Variants in U2SURP observed in about 807,000 individuals in gnomAD.
The protein encoded by U2SURP is U2 snRNP associated SURP domain containing.
Under a neutral mutation model 144.9 loss-of-function variants are expected in U2SURP, and 9 were observed. That is an observed-to-expected ratio of 0.06 (90% CI 0.04 to 0.11). U2SURP has a LOEUF of 0.11. U2SURP is among the 10% of genes least tolerant of loss of function. U2SURP has a pLI of 1.00. For missense variants in U2SURP, 724 were observed against 1,226.7 expected (o/e 0.59, Z 6.12); for synonymous variants, 408 against 396.8 (o/e 1.03, Z -0.33).
intron 4 of U2SURP, 52 bp from the exon 5 acceptor site, chr3:143,016,205 T>C: frequency 6.5e-7 from 1 of 1,530,056 alleles, no homozygotes; most frequent in African/African-American, 1.4e-5. Context: ...TAGCCTTGTG[T>C]ACATTAACAA....
At chr3:143,015,419 G>A (rs1381585271) in intron 4 of U2SURP, among the ~76,000 whole-genome samples, 1 of 118,062 alleles carries the variant, frequency 8.5e-6, no homozygotes, top group Non-Finnish European at 1.7e-5. Context: ...CTTTCCCTAT[G>A]ATTTCTGGTT....
Position 143,056,601 on chromosome 3 carries a change from T to C in U2SURP, c.*151T>C. The C allele has an allele frequency of 1.3e-6, 1 of 782,100 alleles. No individual in the cohort carries two copies. Among genetic ancestry groups the C allele is most frequent in the Non-Finnish European group, 2.0e-6 (1 of 502,154 alleles). The allele number at this position is 782,100 out of a possible 1,614,324, so 48.4% of individuals were successfully genotyped here. A position where few individuals can be genotyped will look rare whatever the true frequency, so the allele number is the denominator to read the frequency against. On this transcript the variant is annotated 3_prime_UTR_variant, in exon 28 of 28. Coordinates refer to ENST00000473835, the MANE Select transcript of U2SURP (RefSeq NM_001080415.2). Reference sequence around the variant, plus strand: ...ATGCATGTGTAAACTCATGAGCAACTGCATCTGTAGATCTGTCATTGTTTT... The same window carrying C: ...ATGCATGTGTAAACTCATGAGCAACCGCATCTGTAGATCTGTCATTGTTTT...
At chr3:143,005,468 A>T (rs1935786959) in intron 1 of U2SURP, among the ~76,000 whole-genome samples, 1 of 152,160 alleles carries the variant, frequency 6.6e-6, no homozygotes, top group South Asian at 2.1e-4. Flanking sequence ...CTGAATCTTT[A>T]TTATGGTTTA....
intron 21 of U2SURP, among the ~76,000 whole-genome samples, chr3:143,037,729 C>G (rs1045177055): frequency 1.3e-5 from 2 of 151,990 alleles, no homozygotes; most frequent in African/African-American, 4.8e-5. Context: ...TCCTAGCTGC[C>G]TAAAATCATT....
intron 24 of U2SURP, among the ~76,000 whole-genome samples, chr3:143,044,619 A>G (rs1042582340): frequency 6.6e-6 from 1 of 152,188 alleles, no homozygotes; most frequent in Non-Finnish European, 1.5e-5. Flanking sequence ...TGCTAGCAGT[A>G]GTTTAGCAAT....
At chr3:143,050,517 C>A (rs2108316742) in intron 24 of U2SURP, among the ~76,000 whole-genome samples, 1 of 152,336 alleles carries the variant, frequency 6.6e-6, no homozygotes, top group Admixed American at 6.5e-5. Context: ...TTTGGTCTTA[C>A]ATGAGCTGAA....
intron 12 of U2SURP, 162 bp downstream of exon 12, chr3:143,023,226 T>C (rs751179045): frequency 1.7e-6 from 1 of 586,282 alleles, no homozygotes; most frequent in Non-Finnish European, 2.8e-6. Flanking sequence ...ATGGAAACCC[T>C]ATATTTGAAA....
chr3:143,020,537 A>G (rs1936580158), intron 7 of U2SURP, 62 bp from the exon 8 acceptor site: 6 of 1,084,250 alleles, frequency 5.5e-6, no homozygotes, highest in South Asian at 4.0e-5. Flanking sequence ...GATAAGCGCT[A>G]TTCTGAAATG....
Position 143,033,253 on chromosome 3 carries a change from T to TA in U2SURP, c.1774-17dup, listed in dbSNP as rs1234063889. ...AGCCTTATATTAACCTATTTTGTGT[T>TA]ATCTTTTGATATTATAGATTGCCAG... On this transcript the variant is annotated splice_polypyrimidine_tract_variant and intron_variant, in intron 17 of 27. Transcript: ENST00000473835. The TA allele has an allele frequency of 6.9e-7, 1 of 1,445,504 alleles. No individual in the cohort carries two copies. Among genetic ancestry groups the TA allele is most frequent in the Admixed American group, 2.0e-5 (1 of 50,002 alleles). 89.5% of individuals were successfully genotyped at this position (1,445,504 alleles called of 1,614,324 possible).
chr3:143,030,964 AAGTT>A (rs1362509689), intron 16 of U2SURP, among the ~76,000 whole-genome samples: 1 of 152,212 alleles, frequency 6.6e-6, no homozygotes, highest in Non-Finnish European at 1.5e-5. Context: ...AGCTTGGAAG[AAGTT>A]AGTCCCTCAT....
rs1015868499 is a variant in U2SURP, at chr3:143,058,694, C to T, written c.*2244C>T. On this transcript the variant is annotated 3_prime_UTR_variant, in exon 28 of 28. Coordinates refer to ENST00000473835, the MANE Select transcript of U2SURP (RefSeq NM_001080415.2). ...GGATTCTATGAAAGTTTAATGGGATCAGAAATTGGTGACTTATAAGGGGGA... is the reference window on the plus strand; with the variant it reads ...GGATTCTATGAAAGTTTAATGGGATTAGAAATTGGTGACTTATAAGGGGGA... 6.6e-6 allele frequency: 1 copy of T among 151,750 alleles called. No individual in the cohort carries two copies. The highest frequency in any genetic ancestry group is 1.5e-5 in the Non-Finnish European group (1 of 67,778). The allele number at this position is 151,750 out of a possible 1,614,324, so 9.4% of individuals were successfully genotyped here.
At chr3:143,031,610 C>A (rs781687981) in intron 16 of U2SURP, among the ~76,000 whole-genome samples, 5 of 152,202 alleles carry the variant, frequency 3.3e-5, no homozygotes. Flanking sequence ...TTTAGACATA[C>A]TGCTATTGCA....
Position 143,022,577 on chromosome 3 carries a change from T to C in U2SURP, c.933T>C (p.Asp311=), listed in dbSNP as rs914400811. 20 of 1,613,752 alleles carry C rather than the reference T, an allele frequency of 1.2e-5. No homozygotes were observed. The highest frequency in any genetic ancestry group is 1.7e-5 in the Non-Finnish European group (20 of 1,179,814). ...ASVKIMWPRT[D]EERARERNCG... ...TGAAAATCATGTGGCCTAGAACTGA[T>C]GAAGAAAGAGCCAGAGAGAGAAATT... The change falls in exon 11 of 28, where the codon GAT becomes GAC. Residue 311 remains aspartate (D), a synonymous_variant. Transcript: ENST00000473835.
At chr3:143,021,432 A>C in intron 9 of U2SURP, 41 bp from the exon 10 acceptor site, 1 of 1,610,450 alleles carries the variant, frequency 6.2e-7, no homozygotes, top group South Asian at 1.1e-5. Context: ...TCCAAACTTT[A>C]TGTTTTGCAG....
chr3:143,021,979 T>C (rs1432646379), intron 10 of U2SURP, among the ~76,000 whole-genome samples: 1 of 152,224 alleles, frequency 6.6e-6, no homozygotes, highest in Non-Finnish European at 1.5e-5. Flanking sequence ...GTAGTAACGG[T>C]AGTATATAAT....
At chr3:143,001,702 G>C (rs1935534608) in intron 1 of U2SURP, 29 bp downstream of exon 1, 5 of 1,613,078 alleles carry the variant, frequency 3.1e-6, no homozygotes, top group Non-Finnish European at 3.4e-6. Flanking sequence ...TCGTAAGTCA[G>C]CGGATCTACC....
At chr3:143,025,692 GT>G (rs1285215227) in intron 13 of U2SURP, 1 of 152,056 alleles carries the variant, frequency 6.6e-6, no homozygotes, top group Non-Finnish European at 1.5e-5. Flanking sequence ...AATGTTTTTA[GT>G]TTTTTGTTTT....
At chr3:143,012,150 T>G in intron 2 of U2SURP, 72 bp from the exon 3 acceptor site, 1 of 1,533,412 alleles carries the variant, frequency 6.5e-7, no homozygotes, top group Non-Finnish European at 8.9e-7. Flanking sequence ...GCATGGCTTA[T>G]TCCTAGTTTT....
chr3:143,036,541 G>A (rs1226053488), intron 20 of U2SURP, among the ~76,000 whole-genome samples: 3 of 151,912 alleles, frequency 2.0e-5, no homozygotes, highest in African/African-American at 2.4e-5. Context: ...AATCCTTAAT[G>A]TTTAATTCTG....
Sources: allele counts gnomAD v4.1 joint callset (sites outside exome capture counted in the v4.1 genomes callset), GRCh38; gene constraint gnomAD v4.1.1; transcripts MANE v1.5; gene names NCBI Gene and HGNC (gene_info 2026-07-23, HGNC 2026-07-21).